The following CNTNAP2 variants were observed in gnomAD, a reference collection of about 807,000 sequenced individuals.
CNTNAP2 encodes the protein contactin-associated protein-like 2.
In CNTNAP2, 98 loss-of-function variants were observed where a neutral mutation model predicts 155.2. That is an observed-to-expected ratio of 0.63 (90% CI 0.54 to 0.75). The LOEUF (loss-of-function observed/expected upper bound fraction) is 0.75, where lower values mean the gene tolerates loss of function less well. Among genes scored for constraint, CNTNAP2 ranks in the 30% least tolerant of loss-of-function variants. The probability of loss-of-function intolerance (pLI) is 0.00; values close to 1 mark genes in which losing one functional copy is unlikely to be tolerated. For synonymous variants in CNTNAP2, 651 were observed against 631.2 expected (o/e 1.03, Z -0.47); for missense variants, 1,727 against 1,688.1 (o/e 1.02, Z -0.40).
chr7:147,270,314 T>C (rs1406632727), intron 8 of CNTNAP2, among the ~76,000 whole-genome samples: 13 of 150,010 alleles, frequency 8.7e-5, no homozygotes, highest in African/African-American at 2.8e-4. Flanking sequence ...TGTATGTACA[T>C]AGTTTGTAAA....
At chr7:147,258,439 A>G (rs1804378438) in intron 8 of CNTNAP2, among the ~76,000 whole-genome samples, 1 of 152,168 alleles carries the variant, frequency 6.6e-6, no homozygotes, top group South Asian at 2.1e-4. Context: ...TTAATGCTCT[A>G]TGTAGCCATA....
At chr7:147,653,968 A>G (rs1466926444) in intron 13 of CNTNAP2, among the ~76,000 whole-genome samples, 2 of 152,248 alleles carry the variant, frequency 1.3e-5, no homozygotes. Context: ...GAGACGTTGA[A>G]GTATACCAAA....
intron 13 of CNTNAP2, among the ~76,000 whole-genome samples, chr7:147,691,946 G>A (rs548027645): frequency 2.4e-4 from 36 of 152,186 alleles, no homozygotes; most frequent in African/African-American, 8.2e-4. Flanking sequence ...AATGTATAAT[G>A]ACATGTGTCT....
At chr7:148,122,855 C>CAAAAAAAA (rs1226178688) in intron 16 of CNTNAP2, among the ~76,000 whole-genome samples, 8 of 136,930 alleles carry the variant, frequency 5.8e-5, no homozygotes, top group African/African-American at 2.3e-4. Flanking sequence ...GAATACATCT[C>CAAAAAAAA]AAAAAAAAAA....
intron 2 of CNTNAP2, among the ~76,000 whole-genome samples, chr7:146,836,116 C>T (rs563346967): frequency 1.3e-5 from 2 of 152,132 alleles, no homozygotes; most frequent in African/African-American, 4.8e-5. Flanking sequence ...GTAGTTACAT[C>T]GTTTGCACAT....
chr7:147,151,897 G>A (rs1039570153), intron 8 of CNTNAP2, among the ~76,000 whole-genome samples: 4 of 152,096 alleles, frequency 2.6e-5, no homozygotes, highest in Admixed American at 6.5e-5. Context: ...ATGCACTAAT[G>A]TGGAAATGGA....
At chr7:147,867,217 T>G (rs1248940259) in intron 13 of CNTNAP2, among the ~76,000 whole-genome samples, 1 of 152,228 alleles carries the variant, frequency 6.6e-6, no homozygotes, top group Non-Finnish European at 1.5e-5. Flanking sequence ...AAGCTTATTT[T>G]GGCTGGATAT....
At chr7:148,297,849 G>A (rs76190378) in intron 21 of CNTNAP2, among the ~76,000 whole-genome samples, 1,737 of 152,018 alleles carry the variant, frequency 0.011, 54 homozygotes, top group Admixed American at 0.063. Flanking sequence ...TGAAGGTCAC[G>A]GAATGACCTT....
chr7:147,067,992 T>C (rs1799816416), intron 4 of CNTNAP2, among the ~76,000 whole-genome samples: 1 of 152,246 alleles, frequency 6.6e-6, no homozygotes, highest in African/African-American at 2.4e-5. Flanking sequence ...GGCTGTGGTC[T>C]GGGCTGAGAT....
At chr7:147,650,343 A>T (rs1046387995) in intron 13 of CNTNAP2, among the ~76,000 whole-genome samples, 2 of 152,188 alleles carry the variant, frequency 1.3e-5, no homozygotes, top group Admixed American at 6.5e-5. Context: ...ATGAGAATAC[A>T]ATGAGGGTAA....
intron 13 of CNTNAP2, among the ~76,000 whole-genome samples, chr7:147,837,134 A>G (rs950674138): frequency 6.6e-6 from 1 of 152,204 alleles, no homozygotes; most frequent in African/African-American, 2.4e-5. Flanking sequence ...GCTGCTAATA[A>G]AGACATATCC....
intron 1 of CNTNAP2, among the ~76,000 whole-genome samples, chr7:146,475,013 G>GCACACACACACACA (rs60787049): frequency 6.9e-6 from 1 of 144,304 alleles, no homozygotes; most frequent in Non-Finnish European, 1.5e-5. Flanking sequence ...GCGCGCGCGC[G>GCACACACACACACA]CACACACACA....
intron 2 of CNTNAP2, among the ~76,000 whole-genome samples, chr7:146,821,640 C>T (rs1803285992): frequency 6.6e-6 from 1 of 152,066 alleles, no homozygotes; most frequent in Non-Finnish European, 1.5e-5. Flanking sequence ...AAACAAACAA[C>T]CCCATCAAAA....
At chr7:148,040,176 C>A (rs1234732599) in intron 15 of CNTNAP2, among the ~76,000 whole-genome samples, 2 of 152,092 alleles carry the variant, frequency 1.3e-5, no homozygotes, top group Non-Finnish European at 2.9e-5. Context: ...AAAATAAAAC[C>A]ATGTGCCCAA....
intron 1 of CNTNAP2, among the ~76,000 whole-genome samples, chr7:146,339,732 A>G (rs1801341182): frequency 6.6e-6 from 1 of 152,194 alleles, no homozygotes; most frequent in Admixed American, 6.5e-5. Context: ...ACTCCTAGTG[A>G]TATAACATGA....
chr7:148,022,041 C>T (rs1389987666), intron 15 of CNTNAP2, among the ~76,000 whole-genome samples: 2 of 152,132 alleles, frequency 1.3e-5, no homozygotes, highest in East Asian at 3.9e-4. Flanking sequence ...GCTCTCTCTC[C>T]CTGGACACTC....
intron 1 of CNTNAP2, among the ~76,000 whole-genome samples, chr7:146,395,786 TA>T (rs544845064): frequency 0.085 from 7,771 of 91,256 alleles, 405 homozygotes; most frequent in African/African-American, 0.19. Context: ...AGATGATAGA[TA>T]GATAGATAGA....
chr7:147,740,026 G>A (rs908845444), intron 13 of CNTNAP2, among the ~76,000 whole-genome samples: 1 of 152,084 alleles, frequency 6.6e-6, no homozygotes, highest in Non-Finnish European at 1.5e-5. Context: ...GCTTTGACTG[G>A]CATCTCTGCA....
At chr7:147,215,435 G>A (rs1803246322) in intron 8 of CNTNAP2, among the ~76,000 whole-genome samples, 1 of 152,106 alleles carries the variant, frequency 6.6e-6, no homozygotes, top group Admixed American at 6.5e-5. Flanking sequence ...GTGTCACATG[G>A]TTGGACTCAT....
Sources: allele counts gnomAD v4.1 joint callset (sites outside exome capture counted in the v4.1 genomes callset), GRCh38; gene constraint gnomAD v4.1.1; transcripts MANE v1.5; gene names NCBI Gene and HGNC (gene_info 2026-07-23, HGNC 2026-07-21).